Variants in P3H2 observed in about 807,000 individuals in gnomAD.
P3H2 encodes prolyl 3-hydroxylase 2, also known as leprecan-like 1.
Under a neutral mutation model 87.0 loss-of-function variants are expected in P3H2, and 80 were observed. That is an observed-to-expected ratio of 0.92 (90% CI 0.77 to 1.11). The LOEUF (loss-of-function observed/expected upper bound fraction) is 1.11. Ranked by LOEUF, P3H2 falls within the 50% of genes least tolerant of loss-of-function variation. P3H2 has a pLI of 0.00. For missense variants in P3H2, 1,001 were observed against 923.9 expected, an observed-to-expected ratio of 1.08 and a Z score of -1.08; for synonymous variants, 367 against 359.3, an observed-to-expected ratio of 1.02 and a Z score of -0.24.
chr3:189,983,564 GAC>G (rs1723601596), intron 7 of P3H2: 1 of 161,290 alleles, frequency 6.2e-6, no homozygotes, highest in Non-Finnish European at 1.4e-5. Flanking sequence ...GTGAAAAGAA[GAC>G]ACAGGTTTGT....
At chr3:190,061,950 G>T (rs1485095494) in intron 1 of P3H2, among the ~76,000 whole-genome samples, 1 of 152,110 alleles carries the variant, frequency 6.6e-6, no homozygotes, top group African/African-American at 2.4e-5. Context: ...CATGAGAAAA[G>T]TATATAAAAT....
In P3H2 at chr3:189,962,175, T is replaced by G. The variant is rs1464594096; in HGVS notation, c.2034+1783A>C. On this transcript the variant is annotated intron_variant, in intron 14 of 14. Coordinates refer to ENST00000319332, the MANE Select transcript of P3H2 (RefSeq NM_018192.4). ...TTCTTCTTCTTCTTTTTTTTTTTTT[T>G]TTTTTTTTTTAAGACAGAGTCTCAC... Among the ~76,000 whole-genome samples the G allele has an allele frequency of 4.8e-5, 7 of 144,422 alleles. No individual in the cohort carries two copies. The East Asian group carries it at 1.4e-3, about 29-fold the overall frequency. 94.7% of individuals were successfully genotyped at this position (144,422 alleles called of 152,430 possible). A position where few individuals can be genotyped will look rare whatever the true frequency, so the allele number is the denominator to read the frequency against.
At chr3:190,007,967 T>C (rs191851864) in intron 1 of P3H2, among the ~76,000 whole-genome samples, 5,476 of 31,138 alleles carry the variant, frequency 0.18, 281 homozygotes, top group Non-Finnish European at 0.23. Flanking sequence ...TTGACACACA[T>C]ATATATATAT....
At chr3:190,094,994 TA>T (rs1193038067) in intron 1 of P3H2, among the ~76,000 whole-genome samples, 2 of 152,088 alleles carry the variant, frequency 1.3e-5, no homozygotes, top group Admixed American at 1.3e-4. Flanking sequence ...TTTGAAAACT[TA>T]GTAAAAGAAT....
At chr3:190,075,502 A>G (rs549416747) in intron 1 of P3H2, among the ~76,000 whole-genome samples, 18 of 151,988 alleles carry the variant, frequency 1.2e-4, no homozygotes, top group Non-Finnish European at 2.6e-4. Context: ...AAAAAAGAAA[A>G]AAAGAAAGAA....
Position 190,120,861 on chromosome 3 carries a change from C to G in P3H2, c.-130G>C, listed in dbSNP as rs1712552720. On this transcript the variant is annotated 5_prime_UTR_variant, in exon 1 of 15. Transcript: ENST00000319332. ...CGCCGCGATCTGGCCGCTCCGCGAG[C>G]CCCAGGTGACCGCCGGCGCTCCGCG... 2 of 1,369,494 alleles carry G rather than the reference C, an allele frequency of 1.5e-6. No individual in the cohort carries two copies. The highest frequency in any genetic ancestry group is 1.9e-6 in the Non-Finnish European group (2 of 1,050,768). The allele number at this position is 1,369,494 out of a possible 1,614,324, so 84.8% of individuals were successfully genotyped here. A position where few individuals can be genotyped will look rare whatever the true frequency, so the allele number is the denominator to read the frequency against.
At chr3:190,066,195 A>C (rs917635878) in intron 1 of P3H2, among the ~76,000 whole-genome samples, 11 of 151,444 alleles carry the variant, frequency 7.3e-5, no homozygotes, top group African/African-American at 2.4e-4. Flanking sequence ...ACACACATAT[A>C]TATATGATGG....
At chr3:189,961,650 C>A (rs1047068290) in intron 14 of P3H2, among the ~76,000 whole-genome samples, 1 of 152,132 alleles carries the variant, frequency 6.6e-6, no homozygotes, top group Non-Finnish European at 1.5e-5. Flanking sequence ...ATGATCTCCA[C>A]GTGTAGCAAA....
intron 1 of P3H2, among the ~76,000 whole-genome samples, chr3:190,114,444 C>T (rs1439138738): frequency 6.6e-6 from 1 of 152,016 alleles, no homozygotes; most frequent in East Asian, 1.9e-4. Context: ...CCTCGGCCTC[C>T]CAAAGTGCTG....
At chr3:189,981,092 A>G (rs760762659) in intron 8 of P3H2, among the ~76,000 whole-genome samples, 8 of 152,212 alleles carry the variant, frequency 5.3e-5, no homozygotes, top group Non-Finnish European at 1.0e-4. Context: ...ACCTTGCCCT[A>G]TGTACCTCTT....
At chr3:190,083,821 G>A (rs905207840) in intron 1 of P3H2, among the ~76,000 whole-genome samples, 2 of 152,150 alleles carry the variant, frequency 1.3e-5, no homozygotes, top group Admixed American at 6.5e-5. Flanking sequence ...CCTCCCTGGT[G>A]GCTCCCATGG....
At chr3:190,098,983 T>C (rs1045137700) in intron 1 of P3H2, among the ~76,000 whole-genome samples, 4 of 152,196 alleles carry the variant, frequency 2.6e-5, no homozygotes, top group African/African-American at 9.7e-5. Flanking sequence ...TTACTTTTAT[T>C]ACATTTGCAG....
At chr3:189,974,366 C>T (rs994112789) in intron 9 of P3H2, among the ~76,000 whole-genome samples, 192 bp downstream of exon 9, 15 of 152,164 alleles carry the variant, frequency 9.9e-5, no homozygotes, top group Non-Finnish European at 1.5e-4. Flanking sequence ...TATTCCAGAT[C>T]CCACCCGGGA....
At chr3:190,084,843 G>A (rs1364349491) in intron 1 of P3H2, among the ~76,000 whole-genome samples, 1 of 151,750 alleles carries the variant, frequency 6.6e-6, no homozygotes, top group South Asian at 2.1e-4. Context: ...TTAATACCTC[G>A]CTCAGTAGGT....
In P3H2 at chr3:189,974,008, G is replaced by A; in HGVS notation, c.1453-4C>T. 1 of 1,608,566 alleles carries A rather than the reference G, an allele frequency of 6.2e-7. No homozygotes were observed. Among genetic ancestry groups the A allele is most frequent in the Non-Finnish European group, 8.5e-7 (1 of 1,174,998 alleles). On this transcript the variant is annotated splice_polypyrimidine_tract_variant and splice_region_variant and intron_variant, in intron 9 of 14. Coordinates refer to ENST00000319332, the MANE Select transcript of P3H2 (RefSeq NM_018192.4). The stretch of plus-strand genomic sequence containing the variant: ...CATCACCAACAAGCATGATTCCCTG[G>A]AAGCAAATACAAGAAGATACGTCAT...
At chr3:190,033,546 A>C (rs1725323239) in intron 1 of P3H2, among the ~76,000 whole-genome samples, 1 of 152,140 alleles carries the variant, frequency 6.6e-6, no homozygotes, top group Non-Finnish European at 1.5e-5. Context: ...TTCTTTCAGT[A>C]ATCTCATGTT....
intron 14 of P3H2, among the ~76,000 whole-genome samples, chr3:189,962,161 C>CTTT (rs770628547): frequency 3.3e-4 from 29 of 87,636 alleles, no homozygotes; most frequent in African/African-American, 8.0e-4. Flanking sequence ...TCTTCTTCTT[C>CTTT]TTTTTTTTTT....
At chr3:189,970,453 A>G (rs1190926374) in intron 13 of P3H2, among the ~76,000 whole-genome samples, 1 of 151,622 alleles carries the variant, frequency 6.6e-6, no homozygotes, top group African/African-American at 2.4e-5. Context: ...GACACCTTGT[A>G]GAATCATTTG....
intron 1 of P3H2, among the ~76,000 whole-genome samples, chr3:190,071,131 C>T (rs910720475): frequency 2.0e-5 from 3 of 152,178 alleles, no homozygotes; most frequent in African/African-American, 7.2e-5. Context: ...TGCATTGAAA[C>T]TGATGAACTA....
Sources: gnomAD v4.1 joint callset for allele counts (sites outside exome capture counted in the v4.1 genomes callset) on GRCh38, gnomAD v4.1.1 for gene constraint, MANE v1.5 for transcripts, NCBI Gene and HGNC (gene_info 2026-07-23, HGNC 2026-07-21) for gene names.